Variants in UTP18 observed in about 807,000 individuals in gnomAD.
The protein encoded by UTP18 is UTP18 small subunit processome component.
UTP18 carries 36 observed loss-of-function variants against 61.1 expected under a neutral mutation model. The ratio of observed to expected loss-of-function variants is 0.59; its 90% CI spans 0.45 to 0.78. The LOEUF (loss-of-function observed/expected upper bound fraction) is 0.78. Ranked by LOEUF, UTP18 falls within the 30% of genes least tolerant of loss-of-function variation. UTP18 has a pLI of 0.00. For synonymous variants in UTP18, 282 were observed against 251.1 expected (o/e 1.12, Z -1.16); for missense variants, 753 against 693.9 (o/e 1.09, Z -0.96).
At position 51,264,716 on chromosome 17, in the gene UTP18, C is replaced by G. The variant is rs114950565; in HGVS notation, c.455+1330C>G. Among the ~76,000 whole-genome samples, 337 of 144,330 alleles carry G rather than the reference C, an allele frequency of 2.3e-3. 1 individual carries two copies. Among genetic ancestry groups the G allele is most frequent in the African/African-American group, 8.2e-3 (320 of 38,950 alleles). The allele number at this position is 144,330 out of a possible 152,430, so 94.7% of individuals were successfully genotyped here. A position where few individuals can be genotyped will look rare whatever the true frequency, so the allele number is the denominator to read the frequency against. ...TTTTTTTTTTTTTTGAGACTCTCAT[C>G]CTTTCATCCAGGCTGGAGTTCAGTG... On this transcript the variant is annotated intron_variant, in intron 2 of 13. Coordinates refer to ENST00000225298, the MANE Select transcript of UTP18 (RefSeq NM_016001.3).
chr17:51,276,916 C>T (rs145840129), intron 6 of UTP18, among the ~76,000 whole-genome samples: 1 of 152,166 alleles, frequency 6.6e-6, no homozygotes, highest in Non-Finnish European at 1.5e-5. Flanking sequence ...TGTTCAGCAA[C>T]CCAGAAGCTC....
chr17:51,266,336 C>A, intron 3 of UTP18, 56 bp downstream of exon 3: 1 of 1,250,286 alleles, frequency 8.0e-7, no homozygotes, highest in Non-Finnish European at 1.1e-6. Context: ...AATGCCCAGT[C>A]ATTAACCGTA....
chr17:51,277,748 T>A (rs1904779500), intron 7 of UTP18, among the ~76,000 whole-genome samples: 1 of 152,246 alleles, frequency 6.6e-6, no homozygotes, highest in Non-Finnish European at 1.5e-5. Flanking sequence ...AAAGCACTGC[T>A]TTTGGAGGTA....
At chr17:51,281,740 T>A (rs1192470655) in intron 9 of UTP18, among the ~76,000 whole-genome samples, 3 of 152,174 alleles carry the variant, frequency 2.0e-5, no homozygotes, top group Admixed American at 6.5e-5. Context: ...ACTGGTAAAG[T>A]AAAGAGTACA....
intron 11 of UTP18, among the ~76,000 whole-genome samples, chr17:51,292,420 C>G (rs1905262099): frequency 6.6e-6 from 1 of 152,230 alleles, no homozygotes; most frequent in African/African-American, 2.4e-5. Context: ...CTTGGAGATT[C>G]ACTGTAAACA....
At chr17:51,284,384 C>CT (rs541219519) in intron 9 of UTP18, among the ~76,000 whole-genome samples, 17 of 147,960 alleles carry the variant, frequency 1.1e-4, no homozygotes, top group South Asian at 2.2e-4. Flanking sequence ...TGTGTTTAGC[C>CT]TTTTTTTTTT....
chr17:51,296,908 G>C, intron 12 of UTP18, 57 bp from the exon 13 acceptor site: 1 of 1,544,450 alleles, frequency 6.5e-7, no homozygotes, highest in East Asian at 2.3e-5. Flanking sequence ...TGATCTAATT[G>C]AAAACACTGT....
In UTP18 at chr17:51,260,562, T is replaced by A; in HGVS notation, c.-23T>A. ...CGCAGCGAGGTTCCACGTGAGCGCCTGCGTTTCTCCTCAAACCTAACGATG... is the reference window on the plus strand; with the variant it reads ...CGCAGCGAGGTTCCACGTGAGCGCCAGCGTTTCTCCTCAAACCTAACGATG... On this transcript the variant is annotated 5_prime_UTR_variant, in exon 1 of 14. Transcript: ENST00000225298. The A allele has an allele frequency of 6.2e-7, 1 of 1,600,292 alleles. No individual in the cohort carries two copies. Among genetic ancestry groups the A allele is most frequent in the Non-Finnish European group, 8.5e-7 (1 of 1,175,158 alleles).
intron 5 of UTP18, among the ~76,000 whole-genome samples, chr17:51,275,207 A>AG (rs1904675706): frequency 7.1e-6 from 1 of 140,752 alleles, no homozygotes; most frequent in Non-Finnish European, 1.5e-5. Context: ...CAAAAAAAAA[A>AG]AAAAAAAGTT....
rs1271439310 is a variant in UTP18 at position 51,285,248 on chromosome 17, A to T, written c.1208A>T (p.Asp403Val). The change falls in exon 10 of 14, where the codon GAT becomes GTT. Residue 403 changes from aspartate to valine, a missense_variant. Coordinates refer to ENST00000225298, the MANE Select transcript of UTP18 (RefSeq NM_016001.3). ...TTTTTTTCGCTCTTTTATGCAGGGGATGGAGAAGTTTATGTTTGGGATGTG... is the reference window on the plus strand; with the variant it reads ...TTTTTTTCGCTCTTTTATGCAGGGGTTGGAGAAGTTTATGTTTGGGATGTG... ...DSKKVYASSGDGEVYVWDVNS... is the reference protein window; with the variant it reads ...DSKKVYASSGVGEVYVWDVNS... 1.2e-6 allele frequency: 2 copies of T among 1,613,246 alleles called. No homozygotes were observed. Among genetic ancestry groups the T allele is most frequent in the Non-Finnish European group, 1.7e-6 (2 of 1,179,770 alleles).
intron 9 of UTP18, among the ~76,000 whole-genome samples, chr17:51,282,601 G>A (rs1035749872): frequency 8.5e-5 from 13 of 152,176 alleles, no homozygotes; most frequent in Admixed American, 3.9e-4. Context: ...AGAGAGAGTC[G>A]GGGAGGGAGA....
chr17:51,276,984 T>C, intron 6 of UTP18, 146 bp from the exon 7 acceptor site: 1 of 777,172 alleles, frequency 1.3e-6, no homozygotes, highest in Non-Finnish European at 2.0e-6. Context: ...GCATGGTTGA[T>C]TAAATCACTG....
intron 11 of UTP18, chr17:51,288,529 C>G (rs1905169592): frequency 2.2e-6 from 1 of 463,322 alleles, no homozygotes; most frequent in Non-Finnish European, 4.3e-6. Flanking sequence ...AATTTTCTTT[C>G]CTCATTTACC....
chr17:51,264,059 CAG>C (rs1438959347), intron 2 of UTP18, among the ~76,000 whole-genome samples: 2 of 147,060 alleles, frequency 1.4e-5, no homozygotes, highest in East Asian at 4.0e-4. Flanking sequence ...TTTTTTGAAA[CAG>C]AGTCTTGCTG....
rs370064475 is a variant in UTP18, at chr17:51,289,346, G to A, written c.1503+1143G>A. Among the ~76,000 whole-genome samples the A allele has an allele frequency of 1.2e-3, 173 of 149,710 alleles. 5 individuals carry two copies. In the South Asian group the frequency reaches 0.033, roughly 28 times the overall value. On this transcript the variant is annotated intron_variant, in intron 11 of 13. Coordinates refer to ENST00000225298, the MANE Select transcript of UTP18 (RefSeq NM_016001.3). ...TGAGTAGCTGGGATTATAGGCATGC[G>A]CCACCACGCCCAGCTCATTTTTGTA...
At chr17:51,262,003 G>C (rs79607053) in intron 1 of UTP18, among the ~76,000 whole-genome samples, 2 of 152,268 alleles carry the variant, frequency 1.3e-5, no homozygotes, top group African/African-American at 4.8e-5. Flanking sequence ...ACTAGTAGTA[G>C]AGCAAGTAGA....
intron 6 of UTP18, among the ~76,000 whole-genome samples, chr17:51,276,220 C>T (rs1173533883): frequency 1.3e-5 from 2 of 152,204 alleles, no homozygotes; most frequent in Admixed American, 1.3e-4. Flanking sequence ...AGTCTGTCGT[C>T]ACTGTTTTCA....
chr17:51,260,956 C>T, intron 1 of UTP18, 30 bp downstream of exon 1: 2 of 1,466,824 alleles, frequency 1.4e-6, no homozygotes, highest in Non-Finnish European at 1.8e-6. Context: ...GCGGGCTGGG[C>T]GCACTCGGGC....
chr17:51,294,354 C>G (rs1329855904), intron 12 of UTP18, among the ~76,000 whole-genome samples: 1 of 130,002 alleles, frequency 7.7e-6, no homozygotes, highest in African/African-American at 2.8e-5. Context: ...CCCCCCTCCC[C>G]TCACCCCACA....
Sources: gnomAD v4.1 joint callset for allele counts (sites outside exome capture counted in the v4.1 genomes callset) on GRCh38, gnomAD v4.1.1 for gene constraint, MANE v1.5 for transcripts, NCBI Gene and HGNC (gene_info 2026-07-23, HGNC 2026-07-21) for gene names.